Variants in GPHN observed in about 807,000 individuals in gnomAD.
GPHN encodes gephyrin.
A neutral mutation model predicts 95.5 loss-of-function variants in GPHN; 17 were observed. The observed-to-expected ratio is 0.18, with a 90% CI of 0.12 to 0.27. The LOEUF (loss-of-function observed/expected upper bound fraction) is 0.27, where lower values mean the gene tolerates loss of function less well. GPHN is among the 10% of genes least tolerant of loss of function. The pLI is 1.00. For synonymous variants in GPHN, 320 were observed against 322.5 expected, an observed-to-expected ratio of 0.99 and a Z score of 0.08; for missense variants, 660 against 978.1, an observed-to-expected ratio of 0.67 and a Z score of 4.34.
chr14:67,395,353 A>C, the GPHN span: 1 of 1,564,640 alleles, frequency 6.4e-7, no homozygotes, highest in Non-Finnish European at 8.8e-7. Context: ...CTGCCCACCC[A>C]ACACAGGCAG....
chr14:67,643,994 T>C, the GPHN span, among the ~76,000 whole-genome samples: 1 of 151,766 alleles, frequency 6.6e-6, no homozygotes, highest in South Asian at 2.1e-4. Flanking sequence ...GTGTAGTCTC[T>C]GGAAATTTAT....
intron 9 of GPHN, among the ~76,000 whole-genome samples, chr14:66,994,598 A>C (rs1020134412): frequency 2.6e-5 from 4 of 152,194 alleles, no homozygotes; most frequent in Non-Finnish European, 4.4e-5. Context: ...AGCAATAGAA[A>C]ATAGAGAACT....
the GPHN span, chr14:67,651,090 T>A: frequency 2.2e-6 from 2 of 924,926 alleles, no homozygotes; most frequent in Non-Finnish European, 3.2e-6. Flanking sequence ...AATACTACTG[T>A]AAATGTATTT....
At chr14:66,651,158 A>G (rs2065021874) in intron 1 of GPHN, among the ~76,000 whole-genome samples, 1 of 152,204 alleles carries the variant, frequency 6.6e-6, no homozygotes, top group African/African-American at 2.4e-5. Flanking sequence ...TTAGGAGAAT[A>G]GTTCTTTTCT....
chr14:66,720,413 G>A (rs1319468690), intron 2 of GPHN, among the ~76,000 whole-genome samples: 1 of 152,104 alleles, frequency 6.6e-6, no homozygotes, highest in Non-Finnish European at 1.5e-5. Context: ...AATTTGCTGG[G>A]GGTGGTTGTG....
At chr14:67,547,175 C>T in the GPHN span, among the ~76,000 whole-genome samples, 274 of 152,126 alleles carry the variant, frequency 1.8e-3, 2 homozygotes, top group Non-Finnish European at 1.1e-3. Flanking sequence ...GGCATAGACA[C>T]GGGAGGAACA....
intron 1 of GPHN, among the ~76,000 whole-genome samples, chr14:66,526,247 C>G (rs7144525): frequency 0.33 from 50,392 of 151,894 alleles, 12,342 homozygotes; most frequent in African/African-American, 0.67. Flanking sequence ...CTTTGTATCA[C>G]TTGTGAATGG....
chr14:67,485,748 G>A, the GPHN span, among the ~76,000 whole-genome samples: 1 of 152,246 alleles, frequency 6.6e-6, no homozygotes. Context: ...CAGGGGCTGA[G>A]GCTGGAAAGA....
the GPHN span, among the ~76,000 whole-genome samples, chr14:67,460,269 G>GA: frequency 6.6e-6 from 1 of 152,126 alleles, no homozygotes; most frequent in South Asian, 2.1e-4. Flanking sequence ...ATCACCAGAT[G>GA]ACCCAGGGAT....
At chr14:67,025,235 CCAATAACA>C (rs1430340467) in intron 10 of GPHN, among the ~76,000 whole-genome samples, 2 of 152,096 alleles carry the variant, frequency 1.3e-5, no homozygotes, top group Non-Finnish European at 2.9e-5. Flanking sequence ...TGTCTTATTA[CCAATAACA>C]CTACTATTTG....
intron 22 of GPHN, among the ~76,000 whole-genome samples, 155 bp from the exon 23 acceptor site, chr14:67,180,649 C>A (rs2083278216): frequency 6.6e-6 from 1 of 152,148 alleles, no homozygotes; most frequent in Non-Finnish European, 1.5e-5. Flanking sequence ...GATATAATAG[C>A]ATGGCCACCT....
intron 11 of GPHN, among the ~76,000 whole-genome samples, chr14:67,086,422 C>T (rs565866704): frequency 0.011 from 1,669 of 150,636 alleles, 19 homozygotes; most frequent in Middle Eastern, 0.018. Context: ...AAGGCCGAGG[C>T]GGGCAGATCA....
chr14:67,523,259 G>A, the GPHN span, among the ~76,000 whole-genome samples: 1 of 151,650 alleles, frequency 6.6e-6, no homozygotes, highest in South Asian at 2.1e-4. Flanking sequence ...AGGAGGCTGA[G>A]GTTGCAGTGA....
the GPHN span, chr14:67,333,860 G>A: frequency 6.6e-6 from 1 of 152,474 alleles, no homozygotes; most frequent in Non-Finnish European, 1.5e-5. Flanking sequence ...TTGTATACAT[G>A]GGAGGATAGC....
chr14:66,661,451 T>G (rs1161398464), intron 1 of GPHN, among the ~76,000 whole-genome samples: 1 of 152,090 alleles, frequency 6.6e-6, no homozygotes, highest in Non-Finnish European at 1.5e-5. Flanking sequence ...AATCCTCTTC[T>G]TGGGTGTTAC....
At chr14:67,143,945 A>G (rs766322890) in intron 18 of GPHN, among the ~76,000 whole-genome samples, 2 of 151,646 alleles carry the variant, frequency 1.3e-5, no homozygotes, top group Non-Finnish European at 2.9e-5. Context: ...AATAATAATA[A>G]TGAAAATATG....
intron 20 of GPHN, among the ~76,000 whole-genome samples, chr14:67,167,996 A>G (rs1045773714): frequency 1.3e-5 from 2 of 152,248 alleles, no homozygotes; most frequent in Non-Finnish European, 2.9e-5. Flanking sequence ...GGAATTCCTC[A>G]AATTCTTCTC....
At chr14:67,548,750 TAAA>T in the GPHN span, among the ~76,000 whole-genome samples, 1 of 152,204 alleles carries the variant, frequency 6.6e-6, no homozygotes, top group South Asian at 2.1e-4. Flanking sequence ...TTTTGTAGCT[TAAA>T]AACTTCTAAC....
At chr14:67,655,855 T>C in the GPHN span, among the ~76,000 whole-genome samples, 1 of 152,162 alleles carries the variant, frequency 6.6e-6, no homozygotes, top group African/African-American at 2.4e-5. Flanking sequence ...TCCTTCCATC[T>C]TTTTTTCCCC....
Sources: gnomAD v4.1 joint callset for allele counts (sites outside exome capture counted in the v4.1 genomes callset) on GRCh38, gnomAD v4.1.1 for gene constraint, MANE v1.5 for transcripts, NCBI Gene and HGNC (gene_info 2026-07-23, HGNC 2026-07-21) for gene names.